PCSK6: variants seen among roughly 807,000 people sequenced by gnomAD.
PCSK6 encodes proprotein convertase subtilisin/kexin type 6, also known as paired basic amino acid cleaving enzyme 4.
A neutral mutation model predicts 123.3 loss-of-function variants in PCSK6; 85 were observed. The ratio of observed to expected loss-of-function variants is 0.69; its 90% CI spans 0.58 to 0.83. PCSK6 has a LOEUF of 0.83. PCSK6 is among the 40% of genes least tolerant of loss of function. PCSK6 has a pLI of 0.00. For missense variants in PCSK6, 1,191 were observed against 1,282.3 expected (o/e 0.93, Z 1.09); for synonymous variants, 508 against 516.0 (o/e 0.98, Z 0.21).
At chr15:101,312,229 A>T (rs2039882459) in intron 20 of PCSK6, 1 of 148,886 alleles carries the variant, frequency 6.7e-6, no homozygotes, top group Non-Finnish European at 1.5e-5. Context: ...TGTTGCTCCC[A>T]CCCTGAATAA....
chr15:101,390,027 A>G (rs2042179592), intron 8 of PCSK6, among the ~76,000 whole-genome samples: 1 of 152,214 alleles, frequency 6.6e-6, no homozygotes, highest in Non-Finnish European at 1.5e-5. Flanking sequence ...CAGAGCAGCT[A>G]GAGATACCCA....
chr15:101,413,000 AG>A (rs2055751607), intron 6 of PCSK6, among the ~76,000 whole-genome samples: 1 of 122,468 alleles, frequency 8.2e-6, no homozygotes, highest in African/African-American at 3.8e-5. Context: ...ATAATGGAGG[AG>A]GAGTGAGGAG....
chr15:101,448,096 G>A (rs1017350590), intron 1 of PCSK6, among the ~76,000 whole-genome samples: 2 of 152,222 alleles, frequency 1.3e-5, no homozygotes, highest in Non-Finnish European at 2.9e-5. Flanking sequence ...ATACGTTCTT[G>A]TTCTCTTTGG....
At chr15:101,360,236 C>G (rs930362329) in intron 13 of PCSK6, among the ~76,000 whole-genome samples, 2 of 152,282 alleles carry the variant, frequency 1.3e-5, no homozygotes, top group East Asian at 3.9e-4. Context: ...GCCTTTGTTC[C>G]TCTCCCACCC....
intron 17 of PCSK6, among the ~76,000 whole-genome samples, chr15:101,324,438 A>G (rs1289754722): frequency 6.6e-6 from 1 of 152,210 alleles, no homozygotes; most frequent in African/African-American, 2.4e-5. Context: ...AGAGAAGCCG[A>G]TGGCATAGTC....
intron 6 of PCSK6, among the ~76,000 whole-genome samples, chr15:101,401,833 G>A (rs1029515272): frequency 6.6e-6 from 1 of 152,114 alleles, no homozygotes; most frequent in African/African-American, 2.4e-5. Flanking sequence ...TTGTGAAAAT[G>A]GCCATACTGC....
chr15:101,323,218 T>C (rs1379993065), intron 17 of PCSK6, among the ~76,000 whole-genome samples: 1 of 152,202 alleles, frequency 6.6e-6, no homozygotes, highest in Non-Finnish European at 1.5e-5. Context: ...TTGCCACACC[T>C]GCACGTGTCC....
chr15:101,417,447 C>A (rs934951069), intron 6 of PCSK6, among the ~76,000 whole-genome samples: 2 of 152,002 alleles, frequency 1.3e-5, no homozygotes, highest in Non-Finnish European at 2.9e-5. Flanking sequence ...TTCTGTGAAC[C>A]CAATATAAGA....
Position 101,307,318 on chromosome 15 carries a change from C to T in PCSK6, c.2707G>A (p.Glu903Lys), listed in dbSNP as rs749234844. The change falls in exon 21 of 22, where the codon GAG becomes AAG. Residue 903 changes from glutamate (E) to lysine (K), a missense_variant. By Grantham distance (56) the Glu-to-Lys change is moderately conservative. Around this residue, in one of 3 missense-constraint regions of PCSK6, gnomAD observed 630 missense variants for 631.4 expected, o/e 1.00. Coordinates refer to ENST00000611716, the MANE Select transcript of PCSK6 (RefSeq NM_002570.5). ...LPHKVCRRCD[E>K]NCLSCAGSSR... ...GAGCCTGCACAGCTCAAGCAGTTCT[C>T]GTCACACCTGTGGGAAGATACCGTT... 35 of 1,612,044 alleles carry T rather than the reference C, an allele frequency of 2.2e-5. No homozygotes were observed. The African/African-American group carries it at 3.1e-4, about 14-fold the overall frequency.
intron 6 of PCSK6, among the ~76,000 whole-genome samples, chr15:101,409,360 C>CG (rs1448612465): frequency 6.6e-6 from 1 of 151,260 alleles, no homozygotes; most frequent in Non-Finnish European, 1.5e-5. Context: ...CCGAGGCGGG[C>CG]GGATCACGAG....
At chr15:101,419,606 T>C (rs1161659448) in intron 6 of PCSK6, among the ~76,000 whole-genome samples, 1 of 151,176 alleles carries the variant, frequency 6.6e-6, no homozygotes, top group Non-Finnish European at 1.5e-5. Flanking sequence ...TGTGCAAGAA[T>C]AGCCAAGTAA....
At position 101,305,231 on chromosome 15, in the gene PCSK6, C is replaced by G. The variant is rs1486935811; in HGVS notation, c.*27G>C. On this transcript the variant is annotated 3_prime_UTR_variant, in exon 22 of 22. Coordinates refer to ENST00000611716, the MANE Select transcript of PCSK6 (RefSeq NM_002570.5). This position sits in a 1 kb window ranked among gnomAD's most constrained non-coding sequence, Gnocchi z 4.8. Reference sequence around the variant, plus strand: ...TGGACGGATGGATGGATGGGAGTGCCTGCCCTCTGTGGGCAGCTAGGCACC... The same window carrying G: ...TGGACGGATGGATGGATGGGAGTGCGTGCCCTCTGTGGGCAGCTAGGCACC... 1 of 1,572,126 alleles carries G rather than the reference C, an allele frequency of 6.4e-7. No homozygotes were observed.
At chr15:101,441,955 A>G (rs993672028) in intron 2 of PCSK6, among the ~76,000 whole-genome samples, 78 of 152,232 alleles carry the variant, frequency 5.1e-4, no homozygotes, top group Admixed American at 5.0e-3. Context: ...TCAACCGCAC[A>G]GAACTCACGC....
chr15:101,477,137 A>G (rs1165692042), intron 1 of PCSK6, among the ~76,000 whole-genome samples: 1 of 152,230 alleles, frequency 6.6e-6, no homozygotes, highest in Non-Finnish European at 1.5e-5. Context: ...AGGTACACTG[A>G]GCAGCCATTA....
At chr15:101,330,354 A>G (rs1186592090) in intron 15 of PCSK6, among the ~76,000 whole-genome samples, 1 of 152,206 alleles carries the variant, frequency 6.6e-6, no homozygotes, top group African/African-American at 2.4e-5. Context: ...CAAAGAGTCC[A>G]GGTGCAGCCT....
intron 10 of PCSK6, among the ~76,000 whole-genome samples, chr15:101,383,077 C>T (rs541833584): frequency 1.3e-5 from 2 of 152,222 alleles, no homozygotes; most frequent in East Asian, 3.9e-4. Flanking sequence ...ATAAATACTA[C>T]GGCCAAATGA....
chr15:101,476,023 C>T (rs1019140802), intron 1 of PCSK6, among the ~76,000 whole-genome samples: 1 of 152,182 alleles, frequency 6.6e-6, no homozygotes, highest in Non-Finnish European at 1.5e-5. Context: ...CTCAGCAGGT[C>T]CCCTCTCTGG....
At chr15:101,315,897 C>A (rs973689575) in intron 19 of PCSK6, among the ~76,000 whole-genome samples, 3 of 152,256 alleles carry the variant, frequency 2.0e-5, no homozygotes, top group Non-Finnish European at 4.4e-5. Flanking sequence ...GGATGAGAGG[C>A]TCATCTCGAT....
In PCSK6 at chr15:101,305,128, C is replaced by G; in HGVS notation, c.*130G>C. The G allele has an allele frequency of 1.4e-6, 1 of 739,014 alleles. No homozygotes were observed. The allele number at this position is 739,014 out of a possible 1,614,324, so 45.8% of individuals were successfully genotyped here. ...CACCTGGCTTGGGTGCTCAGAGATG[C>G]TGCTCCTGGGGAGATAAAGCTGTCA... On this transcript the variant is annotated 3_prime_UTR_variant, in exon 22 of 22. Coordinates refer to ENST00000611716, the MANE Select transcript of PCSK6 (RefSeq NM_002570.5). The surrounding 1 kb of genome is among the most constrained non-coding windows in gnomAD (Gnocchi z 4.8).
Sources: allele counts gnomAD v4.1 joint callset (sites outside exome capture counted in the v4.1 genomes callset), GRCh38; gene constraint gnomAD v4.1.1; regional missense constraint gnomAD v4.1.1; non-coding constraint Gnocchi (gnomAD v3.1); transcripts MANE v1.5; gene names NCBI Gene and HGNC (gene_info 2026-07-23, HGNC 2026-07-21).